Variants in IFITM3 observed in about 807,000 individuals in gnomAD.
The protein encoded by IFITM3 is interferon-induced transmembrane protein 3.
IFITM3 carries 5 observed loss-of-function variants against 5.2 expected under a neutral mutation model. The ratio of observed to expected loss-of-function variants is 0.96; its 90% confidence interval spans 0.50 to 2.03. IFITM3 has a LOEUF of 2.03. IFITM3 is among the 30% of genes most tolerant of loss of function. The pLI is 0.01. For missense variants in IFITM3, 156 were observed against 177.3 expected (o/e 0.88, Z 0.68); for synonymous variants, 81 against 77.6 (o/e 1.04, Z -0.23).
chr11:320,687 A>G lies in IFITM3; in HGVS notation c.127T>C (p.Ser43Pro), dbSNP rs567126057. Reference sequence around the variant, plus strand: ...TCGCTGCGGATGTGGATCACGGTGGACGTCGGGGGAGCAGGGTTGTGGGGC... The same window carrying G: ...TCGCTGCGGATGTGGATCACGGTGGGCGTCGGGGGAGCAGGGTTGTGGGGC... ...GAPHNPAPPT[S>P]TVIHIRSETS... Residue 43 changes from serine to proline, a missense_variant, in exon 1 of 2, where the codon TCC becomes CCC. By Grantham distance (74) the Ser-to-Pro change is moderately conservative. Transcript: ENST00000399808. The G allele has an allele frequency of 6.2e-7, 1 of 1,612,710 alleles. No individual in the cohort carries two copies. Among genetic ancestry groups the G allele is most frequent in the East Asian group, 2.2e-5 (1 of 44,804 alleles).
chr11:320,718 C>A lies in IFITM3; in HGVS notation c.96G>T (p.Leu32=), dbSNP rs1427172230. 6.2e-7 allele frequency: 1 copy of A among 1,613,764 alleles called. No homozygotes were observed. Among genetic ancestry groups the A allele is most frequent in the African/African-American group, 1.3e-5 (1 of 74,912 alleles). Residue 32 remains leucine (L), a synonymous_variant, in exon 1 of 2, where the codon CTG becomes CTT. Transcript: ENST00000399808. Reference sequence around the variant, plus strand: ...GGGGAGCAGGGTTGTGGGGCGCCCCCAGCACAGCCACCTCGTGCTCCTCCT... The same window carrying A: ...GGGGAGCAGGGTTGTGGGGCGCCCCAAGCACAGCCACCTCGTGCTCCTCCT... ...MLKEEHEVAV[L]GAPHNPAPPT... is the part of the protein sequence containing the mutation.
chr11:320,149 C>T (rs536145882), intron 1 of IFITM3, 159 bp from the exon 2 acceptor site: 109 of 785,572 alleles, frequency 1.4e-4, no homozygotes, highest in Non-Finnish European at 2.0e-4. Flanking sequence ...GGGGCTCATC[C>T]TCCTTCTGCC....
Position 320,644 on chromosome 11 carries a change from T to A in IFITM3, c.170A>T (p.His57Leu), listed in dbSNP as rs200737925. The A allele has an allele frequency of 3.7e-6, 6 of 1,613,440 alleles. No homozygotes were observed. The highest frequency in any genetic ancestry group is 5.1e-6 in the Non-Finnish European group (6 of 1,179,790). Residue 57 changes from histidine (H) to leucine (L), a missense_variant, in exon 1 of 2, where the codon CAT becomes CTT. By Grantham distance (99) the His-to-Leu change is moderately conservative. Coordinates refer to ENST00000399808, the MANE Select transcript of IFITM3 (RefSeq NM_021034.3). ...GGTGTTGAACAGGGACCAGACGACATGGTCGGGCACGGAGGTCTCGCTGCG... is the reference window on the plus strand; with the variant it reads ...GGTGTTGAACAGGGACCAGACGACAAGGTCGGGCACGGAGGTCTCGCTGCG... ...HIRSETSVPDHVVWSLFNTLF... is the reference protein window; with the variant it reads ...HIRSETSVPDLVVWSLFNTLF...
rs1846079857 is a variant in IFITM3 at position 319,858 on chromosome 11, T to C, written c.382A>G (p.Ile128Val). 1 of 1,614,114 alleles carries C rather than the reference T, an allele frequency of 6.2e-7. No homozygotes were observed. Among genetic ancestry groups the C allele is most frequent in the Non-Finnish European group, 8.5e-7 (1 of 1,180,002 alleles). Reference protein sequence around the residue: ...TILLIVIPVLIFQAYG With the variant: ...TILLIVIPVLVFQAYG ...CTGATCTATCCATAGGCCTGGAAGA[T>C]CAGCACTGGGATGACGATGAGCAGA... Residue 128 changes from isoleucine to valine, a missense_variant, in exon 2 of 2, where the codon ATC (isoleucine) becomes GTC (valine). Coordinates refer to ENST00000399808, the MANE Select transcript of IFITM3 (RefSeq NM_021034.3).
intron 1 of IFITM3, 31 bp downstream of exon 1, chr11:320,534 C>G (rs1846088592): frequency 6.2e-7 from 1 of 1,609,444 alleles, no homozygotes; most frequent in Non-Finnish European, 8.5e-7. Flanking sequence ...CTCAGCGGCA[C>G]CCTCTGAGCA....
In IFITM3 at chr11:319,883, A is replaced by C; in HGVS notation, c.357T>G (p.Ile119Met). The C allele has an allele frequency of 1.2e-6, 2 of 1,614,190 alleles. No homozygotes were observed. Among genetic ancestry groups the C allele is most frequent in the Non-Finnish European group, 8.5e-7 (1 of 1,180,028 alleles). Residue 119 changes from isoleucine (I) to methionine (M), a missense_variant, in exon 2 of 2, where the codon ATT (isoleucine) becomes ATG (methionine). Ile to Met is a conservative substitution (Grantham distance 10). Coordinates refer to ENST00000399808, the MANE Select transcript of IFITM3 (RefSeq NM_021034.3). ...TCAGCACTGGGATGACGATGAGCAG[A>C]ATGGTCATGAGGATGCCCAGAATCA... is the stretch of plus-strand genomic sequence containing the variant. Reference protein sequence around the residue: ...WALILGILMTILLIVIPVLIF... With the variant: ...WALILGILMTMLLIVIPVLIF...
At position 320,663 on chromosome 11, in the gene IFITM3, C is replaced by A. The variant is rs766126337; in HGVS notation, c.151G>T (p.Glu51Ter). The change falls in exon 1 of 2, where the codon GAG (glutamate) becomes TAG (stop). Residue 51 changes from glutamate (E) to a stop codon, truncating the protein, a stop_gained. Coordinates refer to ENST00000399808, the MANE Select transcript of IFITM3 (RefSeq NM_021034.3). LOFTEE classifies it high-confidence loss of function. Reference protein sequence around the residue: ...PTSTVIHIRSETSVPDHVVWS... With the variant: ...PTSTVIHIRS ...ACGACATGGTCGGGCACGGAGGTCT[C>A]GCTGCGGATGTGGATCACGGTGGAC... 1 of 1,613,884 alleles carries A rather than the reference C, an allele frequency of 6.2e-7. No homozygotes were observed. Among genetic ancestry groups the A allele is most frequent in the Non-Finnish European group, 8.5e-7 (1 of 1,179,884 alleles).
intron 1 of IFITM3, 78 bp downstream of exon 1, chr11:320,487 C>A: frequency 6.3e-7 from 1 of 1,585,522 alleles, no homozygotes. Context: ...ACACAAGTCC[C>A]CACCCCAGGC....
chr11:320,304 A>G (rs1178697214), intron 1 of IFITM3: 83 of 715,798 alleles, frequency 1.2e-4, no homozygotes, highest in Non-Finnish European at 2.0e-4. Context: ...GCTCTGGGCT[A>G]GTGGATAGCC....
Position 319,691 on chromosome 11 carries a change from A to C in IFITM3, c.*147T>G. On this transcript the variant is annotated 3_prime_UTR_variant, in exon 2 of 2. Transcript: ENST00000399808. ...TCGCAGCAGCACCAGAAACACGTGCACTTTATTGAATGCCATTGTAGAAAA... is the reference window on the plus strand; with the variant it reads ...TCGCAGCAGCACCAGAAACACGTGCCCTTTATTGAATGCCATTGTAGAAAA... 9.4e-7 allele frequency: 1 copy of C among 1,059,082 alleles called. No homozygotes were observed. The allele number at this position is 1,059,082 out of a possible 1,614,324, so 65.6% of individuals were successfully genotyped here.
chr11:320,830 C>T lies in IFITM3; in HGVS notation c.-17G>A. On this transcript the variant is annotated 5_prime_UTR_variant, in exon 1 of 2. Coordinates refer to ENST00000399808, the MANE Select transcript of IFITM3 (RefSeq NM_021034.3). ...GTGATTCATGGTGTCCAGCGAAGAC[C>T]AGCGGCGGTCGGGTTACTGGGATGG... The T allele has an allele frequency of 6.3e-7, 1 of 1,595,626 alleles. No homozygotes were observed. Among genetic ancestry groups the T allele is most frequent in the Non-Finnish European group, 8.6e-7 (1 of 1,166,284 alleles).
At chr11:320,448 G>A in intron 1 of IFITM3, 117 bp downstream of exon 1, 1 of 1,420,188 alleles carries the variant, frequency 7.0e-7, no homozygotes, top group Non-Finnish European at 9.8e-7. Context: ...ACGGGACAGA[G>A]GTGCACACAA....
rs780965638 is a variant in IFITM3 at position 320,674 on chromosome 11, T to C, written c.140A>G (p.His47Arg). The C allele has an allele frequency of 6.2e-7, 1 of 1,613,862 alleles. No individual in the cohort carries two copies. Among genetic ancestry groups the C allele is most frequent in the Non-Finnish European group, 8.5e-7 (1 of 1,179,860 alleles). ...NPAPPTSTVI[H>R]IRSETSVPDH... Reference sequence around the variant, plus strand: ...GGGCACGGAGGTCTCGCTGCGGATGTGGATCACGGTGGACGTCGGGGGAGC... The same window carrying C: ...GGGCACGGAGGTCTCGCTGCGGATGCGGATCACGGTGGACGTCGGGGGAGC... Residue 47 changes from histidine (H) to arginine (R), a missense_variant, in exon 1 of 2, where the codon CAC becomes CGC. Transcript: ENST00000399808.
Position 319,691 on chromosome 11 carries a change from A to G in IFITM3, c.*147T>C. 9.4e-7 allele frequency: 1 copy of G among 1,059,080 alleles called. No individual in the cohort carries two copies. The highest frequency in any genetic ancestry group is 1.4e-6 in the Non-Finnish European group (1 of 698,772). 65.6% of individuals were successfully genotyped at this position (1,059,080 alleles called of 1,614,324 possible). ...TCGCAGCAGCACCAGAAACACGTGC[A>G]CTTTATTGAATGCCATTGTAGAAAA... On this transcript the variant is annotated 3_prime_UTR_variant, in exon 2 of 2. Transcript: ENST00000399808.
Position 319,934 on chromosome 11 carries a change from G to A in IFITM3, c.306C>T (p.Thr102=), listed in dbSNP as rs750547351. The change falls in exon 2 of 2, where the codon ACC becomes ACT. Residue 102 remains threonine, a synonymous_variant. Transcript: ENST00000399808. The part of the protein sequence containing the change: ...DVTGAQAYAS[T]AKCLNIWALI... ...GGGCCCAGATGTTCAGGCACTTGGC[G>A]GTGGAGGCATAGGCCTGGGCCCCGG... 6.3e-5 allele frequency: 102 copies of A among 1,614,012 alleles called. No homozygotes were observed. Among genetic ancestry groups the A allele is most frequent in the Non-Finnish European group, 8.3e-5 (98 of 1,180,016 alleles).
chr11:320,595 C>G lies in IFITM3; in HGVS notation c.219G>C (p.Leu73=). ...FNTLFMNPCC[L]GFIAFAYSVK... ...CGGAGTAGGCGAATGCTATGAAGCC[C>G]AGGCAGCAGGGGTTCATGAAGAGGG... The change falls in exon 1 of 2, where the codon CTG becomes CTC. Residue 73 remains leucine (L), a synonymous_variant. Coordinates refer to ENST00000399808, the MANE Select transcript of IFITM3 (RefSeq NM_021034.3). 1 of 1,613,886 alleles carries G rather than the reference C, an allele frequency of 6.2e-7. No individual in the cohort carries two copies. The highest frequency in any genetic ancestry group is 8.5e-7 in the Non-Finnish European group (1 of 1,179,870).
chr11:319,788 T>G lies in IFITM3; in HGVS notation c.*50A>C. Reference sequence around the variant, plus strand: ...GGCGAGGAATGGAAGTTGGAGTACGTGGGATACAGGTCATGGGCAGAGCTC... The same window carrying G: ...GGCGAGGAATGGAAGTTGGAGTACGGGGGATACAGGTCATGGGCAGAGCTC... On this transcript the variant is annotated 3_prime_UTR_variant, in exon 2 of 2. Transcript: ENST00000399808. 1 of 1,612,484 alleles carries G rather than the reference T, an allele frequency of 6.2e-7. No individual in the cohort carries two copies. The highest frequency in any genetic ancestry group is 8.5e-7 in the Non-Finnish European group (1 of 1,178,686).
rs773830976 is a variant in IFITM3 at position 320,833 on chromosome 11, C to T, written c.-20G>A. ...ATTCATGGTGTCCAGCGAAGACCAG[C>T]GGCGGTCGGGTTACTGGGATGGTTC... On this transcript the variant is annotated 5_prime_UTR_variant, in exon 1 of 2. Transcript: ENST00000399808. 1.2e-5 allele frequency: 19 copies of T among 1,594,222 alleles called. No homozygotes were observed. Among genetic ancestry groups the T allele is most frequent in the South Asian group, 8.9e-5 (8 of 89,998 alleles).
In IFITM3 at chr11:319,872, A is replaced by C; in HGVS notation, c.368T>G (p.Val123Gly). ...LGILMTILLI[V>G]IPVLIFQAYG ...GGCCTGGAAGATCAGCACTGGGATG[A>C]CGATGAGCAGAATGGTCATGAGGAT... Residue 123 changes from valine to glycine, a missense_variant, in exon 2 of 2, where the codon GTC (valine) becomes GGC (glycine). Coordinates refer to ENST00000399808, the MANE Select transcript of IFITM3 (RefSeq NM_021034.3). The C allele has an allele frequency of 6.2e-7, 1 of 1,614,202 alleles. No homozygotes were observed. The highest frequency in any genetic ancestry group is 8.5e-7 in the Non-Finnish European group (1 of 1,180,030).
Sources: gnomAD v4.1 joint callset for allele counts on GRCh38, gnomAD v4.1.1 for gene constraint, MANE v1.5 for transcripts, NCBI Gene and HGNC (gene_info 2026-07-23, HGNC 2026-07-21) for gene names.